Variants in TENM1 observed in about 807,000 individuals in gnomAD.
TENM1 encodes teneurin transmembrane protein 1.
Under a neutral mutation model 174.8 loss-of-function variants are expected in TENM1, and 35 were observed. That is an observed-to-expected ratio of 0.20 (90% confidence interval 0.15 to 0.27). The LOEUF (loss-of-function observed/expected upper bound fraction) is 0.27. TENM1 is among the 10% of genes least tolerant of loss of function. The pLI is 1.00. For synonymous variants in TENM1, 781 were observed against 798.7 expected (o/e 0.98, Z 0.37); for missense variants, 1,633 against 2,130.1 (o/e 0.77, Z 4.59).
At chrX:125,052,054 C>T in the TENM1 span, among the ~76,000 whole-genome samples, 4 of 111,738 alleles carry the variant, frequency 3.6e-5, no homozygotes, top group South Asian at 3.7e-4. Flanking sequence ...AGACACTTCT[C>T]GAAAGAAGAC....
intron 3 of TENM1, among the ~76,000 whole-genome samples, chrX:124,801,838 C>A (rs2147237821): frequency 9.0e-6 from 1 of 111,662 alleles, no homozygotes; most frequent in East Asian, 2.8e-4. Flanking sequence ...TTCTCCTCCA[C>A]TTATTAAGGT....
At chrX:125,197,518 A>G in the TENM1 span, among the ~76,000 whole-genome samples, 6 of 111,732 alleles carry the variant, frequency 5.4e-5, no homozygotes, top group Non-Finnish European at 1.1e-4. Flanking sequence ...GTTAGAGGAA[A>G]TCGACATGAC....
chrX:125,153,226 T>A, the TENM1 span, among the ~76,000 whole-genome samples: 6 of 111,924 alleles, frequency 5.4e-5, no homozygotes, highest in Non-Finnish European at 1.1e-4. Flanking sequence ...CAAAATCACT[T>A]ACTTTTACCT....
intron 3 of TENM1, among the ~76,000 whole-genome samples, chrX:124,761,395 G>T (rs1304974679): frequency 9.1e-6 from 1 of 109,518 alleles, no homozygotes; most frequent in Admixed American, 9.8e-5. Context: ...CCTTTGTAGG[G>T]ACATGGATGA....
chrX:124,830,977 G>C (rs111227308), intron 3 of TENM1, among the ~76,000 whole-genome samples: 3,688 of 111,562 alleles, frequency 0.033, 75 homozygotes, highest in Middle Eastern at 0.074. Flanking sequence ...GCTCCTGGGG[G>C]TAATGGGCTG....
At chrX:124,423,521 A>G (rs1309167828) in intron 23 of TENM1, among the ~76,000 whole-genome samples, 5 of 111,271 alleles carry the variant, frequency 4.5e-5, no homozygotes, top group African/African-American at 1.6e-4. Context: ...CGTTATGAAA[A>G]GAAGGCAACA....
chrX:124,878,624 C>T (rs1345004753), intron 3 of TENM1, among the ~76,000 whole-genome samples: 1 of 110,735 alleles, frequency 9.0e-6, no homozygotes, highest in Admixed American at 9.6e-5. Context: ...CTTCCTGAGG[C>T]CTCATGAGAA....
At chrX:124,783,489 G>T (rs370360744) in intron 3 of TENM1, among the ~76,000 whole-genome samples, 5 of 111,495 alleles carry the variant, frequency 4.5e-5, no homozygotes, top group Non-Finnish European at 7.6e-5. Context: ...TTTTTAAAAA[G>T]AACTCACTAT....
intron 25 of TENM1, among the ~76,000 whole-genome samples, chrX:124,411,368 T>A (rs2060532104): frequency 9.0e-6 from 1 of 111,292 alleles, no homozygotes; most frequent in Admixed American, 9.5e-5. Flanking sequence ...CGCACGTGTG[T>A]GTGTGTTTTC....
chrX:124,547,305 A>AT (rs2048453024), intron 14 of TENM1, among the ~76,000 whole-genome samples: 1 of 111,722 alleles, frequency 9.0e-6, no homozygotes, highest in Non-Finnish European at 1.9e-5. Context: ...TTGTTCATAA[A>AT]TTTTTCTTTC....
intron 3 of TENM1, among the ~76,000 whole-genome samples, chrX:124,870,672 T>C (rs754511641): frequency 1.8e-5 from 2 of 109,552 alleles, no homozygotes; most frequent in African/African-American, 6.6e-5. Context: ...TTTTTGGAGA[T>C]TGACAAAGAT....
chrX:125,050,171 A>G, the TENM1 span, among the ~76,000 whole-genome samples: 1 of 108,908 alleles, frequency 9.2e-6, no homozygotes, highest in Non-Finnish European at 1.9e-5. Flanking sequence ...TATTATTATT[A>G]TTATTATACT....
At position 124,600,073 on chromosome X, in the gene TENM1, C is replaced by T. The variant is rs145609589; in HGVS notation, c.2078-34513G>A. Among the ~76,000 whole-genome samples the T allele has an allele frequency of 3.2e-3, 349 of 108,563 alleles. 3 individuals are homozygous for T. Among genetic ancestry groups the T allele is most frequent in the Non-Finnish European group, 4.7e-3 (245 of 52,126 alleles). The allele number at this position is 108,563 out of a possible 115,157, so 94.3% of individuals were successfully genotyped here. A position where few individuals can be genotyped will look rare whatever the true frequency, so the allele number is the denominator to read the frequency against. On this transcript the variant is annotated intron_variant, in intron 11 of 31. Coordinates refer to ENST00000422452, the Ensembl canonical transcript of TENM1. ...ATATATAAATGTATGTGTATATTTC[C>T]TACCTCTGTTCACCATGAGGGCCTG... is the stretch of plus-strand genomic sequence containing the variant.
At chrX:125,138,462 G>A in the TENM1 span, among the ~76,000 whole-genome samples, 2 of 111,247 alleles carry the variant, frequency 1.8e-5, no homozygotes, top group Non-Finnish European at 1.9e-5. Flanking sequence ...TCCTCATTAC[G>A]TTGCCCTCTC....
the TENM1 span, among the ~76,000 whole-genome samples, chrX:125,077,365 C>T: frequency 5.4e-5 from 6 of 110,363 alleles, no homozygotes; most frequent in Non-Finnish European, 9.5e-5. Flanking sequence ...GATTTTTTTG[C>T]GAATTAAGAC....
At chrX:124,626,789 A>C (rs1213139762) in intron 11 of TENM1, among the ~76,000 whole-genome samples, 1 of 111,739 alleles carries the variant, frequency 8.9e-6, no homozygotes, top group Admixed American at 9.6e-5. Flanking sequence ...TTTTAGAGGG[A>C]GATGCAATAA....
chrX:124,445,967 T>C (rs1488276419), intron 23 of TENM1, among the ~76,000 whole-genome samples: 1 of 112,484 alleles, frequency 8.9e-6, no homozygotes, highest in Non-Finnish European at 1.9e-5. Context: ...AGGGCAGTTA[T>C]GCTTCAGAGT....
chrX:124,949,931 A>C (rs2058457514), intron 1 of TENM1, among the ~76,000 whole-genome samples: 1 of 110,984 alleles, frequency 9.0e-6, no homozygotes, highest in African/African-American at 3.3e-5. Flanking sequence ...AGGGTAGAGG[A>C]GTCTTAGTGC....
At chrX:124,960,050 A>G (rs776649580) in intron 1 of TENM1, among the ~76,000 whole-genome samples, 4 of 112,062 alleles carry the variant, frequency 3.6e-5, no homozygotes, top group African/African-American at 1.3e-4. Flanking sequence ...TATCCTAAAA[A>G]TTACAATTGA....
Sources: gnomAD v4.1 joint callset for allele counts (sites outside exome capture counted in the v4.1 genomes callset) on GRCh38, gnomAD v4.1.1 for gene constraint, MANE v1.5 for transcripts, NCBI Gene and HGNC (gene_info 2026-07-23, HGNC 2026-07-21) for gene names.